The following SMS variants were observed in gnomAD, a reference collection of about 807,000 sequenced individuals.
SMS encodes the protein spermine synthase.
Under a neutral mutation model 33.0 loss-of-function variants are expected in SMS, and 3 were observed. That is an observed-to-expected ratio of 0.09 (90% confidence interval 0.04 to 0.23). The LOEUF is 0.23. Ranked by LOEUF, SMS falls within the 10% of genes least tolerant of loss-of-function variation. SMS has a pLI of 1.00. For synonymous variants in SMS, 103 were observed against 112.2 expected (o/e 0.92, Z 0.52); for missense variants, 117 against 288.6 (o/e 0.41, Z 4.31).
At chrX:21,962,109 G>A (rs1923400751) in intron 1 of SMS, among the ~76,000 whole-genome samples, 1 of 112,059 alleles carries the variant, frequency 8.9e-6, no homozygotes, top group Admixed American at 9.4e-5. Context: ...CCCCTCTCCT[G>A]CCCTTGGGGC....
At chrX:21,941,820 G>A (rs996727272) in intron 1 of SMS, among the ~76,000 whole-genome samples, 3 of 98,773 alleles carry the variant, frequency 3.0e-5, no homozygotes, top group African/African-American at 1.1e-4. Flanking sequence ...GGGAGGCGGA[G>A]GTTGCAGTGA....
chrX:21,943,840 G>C (rs1602176416), intron 1 of SMS, among the ~76,000 whole-genome samples: 1 of 111,633 alleles, frequency 9.0e-6, no homozygotes, highest in East Asian at 2.8e-4. Flanking sequence ...TTTAGTAAGG[G>C]GAACTTGGTG....
intron 1 of SMS, among the ~76,000 whole-genome samples, chrX:21,958,619 G>T (rs1923132482): frequency 1.8e-5 from 2 of 112,142 alleles, no homozygotes; most frequent in Non-Finnish European, 3.8e-5. Context: ...ATTCCTCCCC[G>T]CATTCTTCCC....
At chrX:21,992,873 G>C (rs1307288910) in intron 10 of SMS, among the ~76,000 whole-genome samples, 161 bp downstream of exon 10, 1 of 112,360 alleles carries the variant, frequency 8.9e-6, no homozygotes. Context: ...CCCCTGAGAA[G>C]CTTTAAATAA....
intron 4 of SMS, 67 bp downstream of exon 4, chrX:21,972,638 G>A: frequency 1.3e-6 from 1 of 768,310 alleles, no homozygotes; most frequent in African/African-American, 2.0e-5. Context: ...GCTGGGCGCG[G>A]TAGCTCACAC....
chrX:21,959,950 G>A (rs1253760451), intron 1 of SMS: 1 of 751,917 alleles, frequency 1.3e-6, no homozygotes, highest in Admixed American at 8.7e-5. Flanking sequence ...CCGGGTATAA[G>A]CCTGACCAAA....
chrX:21,967,384 G>A (rs1488797022), intron 2 of SMS, 68 bp downstream of exon 2: 26 of 1,126,070 alleles, frequency 2.3e-5, no homozygotes, highest in Non-Finnish European at 3.2e-5. Flanking sequence ...CAGAGTGGAG[G>A]ATGGGGGTGG....
At chrX:21,976,773 C>G (rs777759221) in intron 4 of SMS, among the ~76,000 whole-genome samples, 17 of 111,965 alleles carry the variant, frequency 1.5e-4, no homozygotes, top group Non-Finnish European at 2.8e-4. Context: ...ACAGATGCTG[C>G]TGGAGCATTT....
In SMS at chrX:21,967,408, T is replaced by C. The variant is rs1020457453; in HGVS notation, c.170+92T>C. ...GGATGGGGGTGGCATCCGGCATTTT[T>C]TTTTCTCCTTTGACATCTTTTAGGA... On this transcript the variant is annotated intron_variant, in intron 2 of 10. Transcript: ENST00000404933. 8.1e-6 allele frequency: 8 copies of C among 987,468 alleles called. No individual in the cohort carries two copies. In the African/African-American group the frequency reaches 1.2e-4, roughly 14 times the overall value. 81.4% of individuals were successfully genotyped at this position (987,468 alleles called of 1,213,427 possible).
intron 1 of SMS, among the ~76,000 whole-genome samples, chrX:21,956,451 T>A (rs931666742): frequency 9.2e-6 from 1 of 109,174 alleles, no homozygotes; most frequent in Admixed American, 9.8e-5. Flanking sequence ...ACCTGGCTAA[T>A]TTTTTTTTAT....
At chrX:21,960,398 C>G (rs1342988373) in intron 1 of SMS, among the ~76,000 whole-genome samples, 1 of 76,476 alleles carries the variant, frequency 1.3e-5, no homozygotes, top group Admixed American at 1.5e-4. Flanking sequence ...ATCTTCTGTT[C>G]CTTTTTTTTT....
At position 21,972,577 on chromosome X, in the gene SMS, T is replaced by G; in HGVS notation, c.329+6T>G. 8.8e-7 allele frequency: 1 copy of G among 1,140,361 alleles called. No individual in the cohort carries two copies. Among genetic ancestry groups the G allele is most frequent in the Non-Finnish European group, 1.2e-6 (1 of 830,655 alleles). The allele number at this position is 1,140,361 out of a possible 1,213,427, so 94.0% of individuals were successfully genotyped here. ...AGTACTGGGCGGGTGAAACGGTAAG[T>G]CCACTCTTGAATGTCCTTTTATATT... On this transcript the variant is annotated splice_donor_region_variant and intron_variant, in intron 4 of 10. Transcript: ENST00000404933.
chrX:21,948,721 G>T (rs1922406275), intron 1 of SMS, among the ~76,000 whole-genome samples: 1 of 111,490 alleles, frequency 9.0e-6, no homozygotes, highest in African/African-American at 3.3e-5. Context: ...CACAGATAAG[G>T]ATTAGTTATA....
At position 21,971,987 on chromosome X, in the gene SMS, C is replaced by T; in HGVS notation, c.261C>T (p.Asp87=). 8.5e-7 allele frequency: 1 copy of T among 1,172,883 alleles called. No individual in the cohort carries two copies. Among genetic ancestry groups the T allele is most frequent in the Non-Finnish European group, 1.2e-6 (1 of 859,889 alleles). The change falls in exon 3 of 11, where the codon GAC becomes GAT. Residue 87 remains aspartate, a synonymous_variant. Transcript: ENST00000404933. ...ATGCGCAAGGCAAAGAAGAGATCGA[C>T]AGTGTCGGTTTTTCACTTTCATTTA... The part of the protein sequence containing the change: ...DGDAQGKEEI[D]SILNKVEERM...
chrX:21,963,087 CATTT>C (rs1424958401), intron 1 of SMS, among the ~76,000 whole-genome samples: 1 of 112,207 alleles, frequency 8.9e-6, no homozygotes, highest in Non-Finnish European at 1.9e-5. Flanking sequence ...TGCCACCAAA[CATTT>C]ATTGAGCACC....
At position 21,940,712 on chromosome X, in the gene SMS, C is replaced by T. The variant is rs190331476; in HGVS notation, c.-113C>T. 442 of 593,086 alleles carry T rather than the reference C, an allele frequency of 7.5e-4. 1 individual carries two copies. Among genetic ancestry groups the T allele is most frequent in the Middle Eastern group, 6.2e-3 (11 of 1,772 alleles). 48.9% of individuals were successfully genotyped at this position (593,086 alleles called of 1,213,427 possible). A position where few individuals can be genotyped will look rare whatever the true frequency, so the allele number is the denominator to read the frequency against. ...CCGGCGGCCCCTCCCACCTCCTAGTCCTGGCCTCCCCGGGCGCAGCACACT... is the reference window on the plus strand; with the variant it reads ...CCGGCGGCCCCTCCCACCTCCTAGTTCTGGCCTCCCCGGGCGCAGCACACT... On this transcript the variant is annotated 5_prime_UTR_variant, in exon 1 of 11. Coordinates refer to ENST00000404933, the MANE Select transcript of SMS (RefSeq NM_004595.5).
chrX:21,946,453 C>T (rs139011013), intron 1 of SMS, among the ~76,000 whole-genome samples: 21 of 112,557 alleles, frequency 1.9e-4, no homozygotes, highest in African/African-American at 6.5e-4. Flanking sequence ...CAAAATAACC[C>T]TAGGTAGGTC....
intron 1 of SMS, among the ~76,000 whole-genome samples, chrX:21,957,436 A>G (rs934591544): frequency 1.8e-5 from 2 of 110,789 alleles, no homozygotes; most frequent in Admixed American, 1.9e-4. Context: ...AGCCAGGGCT[A>G]CAGGCGCCTG....
chrX:21,974,093 C>T (rs976170391), intron 4 of SMS, among the ~76,000 whole-genome samples: 4 of 112,504 alleles, frequency 3.6e-5, no homozygotes, highest in African/African-American at 1.3e-4. Context: ...GGGACTTCCT[C>T]ATTGCTGAGC....
Sources: allele counts gnomAD v4.1 joint callset (sites outside exome capture counted in the v4.1 genomes callset), GRCh38; gene constraint gnomAD v4.1.1; transcripts MANE v1.5; gene names NCBI Gene and HGNC (gene_info 2026-07-23, HGNC 2026-07-21).